Variants in MARCHF11 observed in about 807,000 individuals in gnomAD.
MARCHF11 encodes membrane associated ring-CH-type finger 11, also known as E3 ubiquitin-protein ligase MARCHF11.
In MARCHF11, 29 loss-of-function variants were observed where a neutral mutation model predicts 37.3. The ratio of observed to expected loss-of-function variants is 0.78; its 90% CI spans 0.58 to 1.06. MARCHF11 has a LOEUF of 1.06. Among genes scored for constraint, MARCHF11 ranks in the 50% least tolerant of loss-of-function variants. The pLI is 0.00. For missense variants in MARCHF11, 482 were observed against 533.4 expected (o/e 0.90, Z 0.95); for synonymous variants, 233 against 228.0 (o/e 1.02, Z -0.20).
At chr5:16,068,419 G>A (rs1043256145) in intron 3 of MARCHF11, among the ~76,000 whole-genome samples, 2 of 152,102 alleles carry the variant, frequency 1.3e-5, no homozygotes, top group African/African-American at 2.4e-5. Context: ...CACTTACCCC[G>A]TTTGGCAAAC....
intron 1 of MARCHF11, among the ~76,000 whole-genome samples, chr5:16,178,838 T>A (rs1410068432): frequency 6.6e-6 from 1 of 152,158 alleles, no homozygotes; most frequent in East Asian, 1.9e-4. Flanking sequence ...AAACCCAGTA[T>A]TCACCACTGG....
At chr5:16,146,732 C>G (rs1456334654) in intron 2 of MARCHF11, among the ~76,000 whole-genome samples, 1 of 152,134 alleles carries the variant, frequency 6.6e-6, no homozygotes, top group East Asian at 1.9e-4. Context: ...AGTAGTTAAA[C>G]TGGGAGGACA....
chr5:16,138,741 C>T (rs1172785648), intron 2 of MARCHF11, among the ~76,000 whole-genome samples: 5 of 152,228 alleles, frequency 3.3e-5, no homozygotes, highest in Non-Finnish European at 7.3e-5. Flanking sequence ...TGGGAGCCAA[C>T]CTCTTGCATC....
intron 3 of MARCHF11, among the ~76,000 whole-genome samples, chr5:16,078,451 T>C (rs948519305): frequency 3.9e-5 from 6 of 152,158 alleles, no homozygotes; most frequent in African/African-American, 1.4e-4. Flanking sequence ...AAAACATCTA[T>C]GGGCTTCATT....
chr5:16,099,244 A>G (rs948476397), intron 2 of MARCHF11, among the ~76,000 whole-genome samples: 1 of 152,228 alleles, frequency 6.6e-6, no homozygotes, highest in Non-Finnish European at 1.5e-5. Context: ...AATTTGGGTT[A>G]TGACAACTAT....
chr5:16,171,028 C>T lies in MARCHF11; in HGVS notation c.693+6698G>A, dbSNP rs115364506. Among the ~76,000 whole-genome samples, 567 of 152,152 alleles carry T rather than the reference C, an allele frequency of 3.7e-3. 2 individuals carry two copies. Among genetic ancestry groups the T allele is most frequent in the African/African-American group, 0.013 (546 of 41,522 alleles). On this transcript the variant is annotated intron_variant, in intron 2 of 3. Coordinates refer to ENST00000332432, the MANE Select transcript of MARCHF11 (RefSeq NM_001102562.3). The stretch of plus-strand genomic sequence containing the variant: ...CAGAATTAAGGATTTGAATCTGATA[C>T]GACCAAGAAACTGTTTCAAAGAAGC...
At chr5:16,131,450 T>C (rs1737513261) in intron 2 of MARCHF11, among the ~76,000 whole-genome samples, 1 of 152,120 alleles carries the variant, frequency 6.6e-6, no homozygotes, top group African/African-American at 2.4e-5. Flanking sequence ...AAAAGAAGGG[T>C]GAAAAACATG....
At chr5:16,146,838 T>G (rs978194806) in intron 2 of MARCHF11, among the ~76,000 whole-genome samples, 1 of 151,674 alleles carries the variant, frequency 6.6e-6, no homozygotes. Context: ...GCCACATGTC[T>G]TAAGAAAGAA....
chr5:16,083,030 C>T (rs910238658), intron 3 of MARCHF11, among the ~76,000 whole-genome samples: 6 of 152,226 alleles, frequency 3.9e-5, no homozygotes, highest in South Asian at 2.1e-4. Flanking sequence ...GTAATGGTGG[C>T]GGTGATTGAG....
chr5:16,145,352 A>G (rs1737780900), intron 2 of MARCHF11, among the ~76,000 whole-genome samples: 1 of 152,096 alleles, frequency 6.6e-6, no homozygotes, highest in South Asian at 2.1e-4. Context: ...TCAGGAGGGG[A>G]GTTGCTCTCT....
At chr5:16,110,885 C>G (rs1029657037) in intron 2 of MARCHF11, among the ~76,000 whole-genome samples, 4 of 152,002 alleles carry the variant, frequency 2.6e-5, no homozygotes, top group Non-Finnish European at 5.9e-5. Flanking sequence ...GTGGGAGGGA[C>G]CAGGTGAGAG....
chr5:16,108,307 C>G (rs550519727), intron 2 of MARCHF11, among the ~76,000 whole-genome samples: 3 of 152,340 alleles, frequency 2.0e-5, no homozygotes, highest in African/African-American at 7.2e-5. Flanking sequence ...CATGCTCCCC[C>G]TCCCGTAAGG....
At chr5:16,084,333 TATA>T (rs1736657892) in intron 3 of MARCHF11, among the ~76,000 whole-genome samples, 1 of 152,190 alleles carries the variant, frequency 6.6e-6, no homozygotes, top group African/African-American at 2.4e-5. Context: ...TTTAAAAGGC[TATA>T]ATAATAACTG....
At chr5:16,108,975 C>G (rs1371026401) in intron 2 of MARCHF11, among the ~76,000 whole-genome samples, 1 of 152,116 alleles carries the variant, frequency 6.6e-6, no homozygotes, top group Non-Finnish European at 1.5e-5. Context: ...AGGGTCCTAA[C>G]TGCCATTTCC....
chr5:16,075,362 G>T (rs1736499528), intron 3 of MARCHF11, among the ~76,000 whole-genome samples: 1 of 152,142 alleles, frequency 6.6e-6, no homozygotes, highest in East Asian at 1.9e-4. Context: ...TTTCTTCTCT[G>T]ATGTACTCAA....
chr5:16,167,997 T>A (rs1738198967), intron 2 of MARCHF11, among the ~76,000 whole-genome samples: 2 of 152,152 alleles, frequency 1.3e-5, no homozygotes, highest in South Asian at 4.1e-4. Flanking sequence ...AAAATCATCT[T>A]CCAGACCAAA....
intron 2 of MARCHF11, among the ~76,000 whole-genome samples, chr5:16,136,557 A>T (rs746486785): frequency 6.6e-6 from 1 of 152,238 alleles, no homozygotes; most frequent in Non-Finnish European, 1.5e-5. Flanking sequence ...AATGAAAAGT[A>T]ATGCAACTGT....
intron 2 of MARCHF11, among the ~76,000 whole-genome samples, chr5:16,122,802 CATCAAAG>C (rs1023365541): frequency 2.0e-5 from 3 of 152,162 alleles, no homozygotes; most frequent in African/African-American, 7.2e-5. Context: ...GAAAGCACAT[CATCAAAG>C]GAGAGGGCCA....
chr5:16,132,134 G>T (rs1737527835), intron 2 of MARCHF11, among the ~76,000 whole-genome samples: 1 of 152,232 alleles, frequency 6.6e-6, no homozygotes, highest in African/African-American at 2.4e-5. Flanking sequence ...TGCAGGATGT[G>T]TATAAGACTA....
Sources: allele counts gnomAD v4.1 joint callset (sites outside exome capture counted in the v4.1 genomes callset), GRCh38; gene constraint gnomAD v4.1.1; transcripts MANE v1.5; gene names NCBI Gene and HGNC (gene_info 2026-07-23, HGNC 2026-07-21).